The following EDA2R variants were observed in gnomAD, a reference collection of about 807,000 sequenced individuals.
The protein encoded by EDA2R is ectodysplasin A2 receptor, also known as tumor necrosis factor receptor superfamily member 27.
In EDA2R, 26 loss-of-function variants were observed where a neutral mutation model predicts 20.1. That is an observed-to-expected ratio of 1.30 (90% CI 0.95 to 1.80). The LOEUF is 1.80. Among genes scored for constraint, EDA2R ranks in the 40% most tolerant of loss-of-function variants. The pLI, the probability that EDA2R is intolerant of heterozygous loss-of-function variation, is 0.00. For synonymous variants in EDA2R, 114 were observed against 88.7 expected, an observed-to-expected ratio of 1.29 and a Z score of -1.60; for missense variants, 277 against 228.7, an observed-to-expected ratio of 1.21 and a Z score of -1.36.
chrX:66,631,480 C>G lies in EDA2R; in HGVS notation c.-11+7515G>C, dbSNP rs747222179. 5.4e-5 allele frequency among the ~76,000 whole-genome samples: 6 copies of G among 111,610 alleles called. No individual in the cohort carries two copies. The South Asian group carries it at 1.1e-3, about 21-fold the overall frequency. ...GGTCATTTAGAAGCTATGAGTCTGG[C>G]ACACTTTTCAAGGCAGTATTGAACT... On this transcript the variant is annotated intron_variant, in intron 1 of 6. Coordinates refer to ENST00000374719, the MANE Select transcript of EDA2R (RefSeq NM_021783.5).
At chrX:66,624,252 C>A (rs1323315410) in intron 1 of EDA2R, among the ~76,000 whole-genome samples, 1 of 111,957 alleles carries the variant, frequency 8.9e-6, no homozygotes, top group East Asian at 2.8e-4. Context: ...GGTGCAGTGG[C>A]TCCCGCCTGG....
At chrX:66,616,335 C>T (rs1277250626) in intron 1 of EDA2R, among the ~76,000 whole-genome samples, 2 of 112,467 alleles carry the variant, frequency 1.8e-5, no homozygotes, top group Non-Finnish European at 3.8e-5. Context: ...CTCAAATTCA[C>T]AGTCAGTGGC....
intron 1 of EDA2R, among the ~76,000 whole-genome samples, chrX:66,619,813 A>G (rs1932306321): frequency 8.9e-6 from 1 of 111,850 alleles, no homozygotes; most frequent in Non-Finnish European, 1.9e-5. Context: ...TGCTCTAAAA[A>G]TTCATGTGGG....
chrX:66,609,871 C>T (rs958257434), intron 2 of EDA2R, among the ~76,000 whole-genome samples: 2 of 111,393 alleles, frequency 1.8e-5, no homozygotes, highest in African/African-American at 6.5e-5. Flanking sequence ...TTGATACATT[C>T]CTCACACTAT....
chrX:66,631,322 G>A (rs1315256522), intron 1 of EDA2R, among the ~76,000 whole-genome samples: 2 of 110,823 alleles, frequency 1.8e-5, no homozygotes, highest in Admixed American at 9.6e-5. Context: ...ACATATCCAT[G>A]CAACCAAATA....
chrX:66,615,945 C>G lies in EDA2R; in HGVS notation c.76G>C (p.Glu26Gln), dbSNP rs750932016. The G allele has an allele frequency of 2.5e-6, 3 of 1,206,791 alleles. No individual in the cohort carries two copies. The highest frequency in any genetic ancestry group is 1.8e-5 in the South Asian group (1 of 56,513). ...ATAGGATAACTTACCTTGGATAGCTCCTGTCCAGGACCACACCGTTGGCAG... is the reference window on the plus strand; with the variant it reads ...ATAGGATAACTTACCTTGGATAGCTGCTGTCCAGGACCACACCGTTGGCAG... The part of the protein sequence containing the change: ...VTCQRCGPGQ[E>Q]LSKDCGYGEG... The change falls in exon 2 of 7, where the codon GAG becomes CAG. Residue 26 changes from glutamate to glutamine, a missense_variant. Glu to Gln is a conservative substitution (Grantham distance 29, BLOSUM62 2). Coordinates refer to ENST00000374719, the MANE Select transcript of EDA2R (RefSeq NM_021783.5).
intron 1 of EDA2R, among the ~76,000 whole-genome samples, chrX:66,636,716 G>C (rs1055970180): frequency 1.8e-5 from 2 of 110,319 alleles, no homozygotes; most frequent in Non-Finnish European, 3.8e-5. Flanking sequence ...AATTCTACTT[G>C]TCAGGCACTG....
intron 2 of EDA2R, among the ~76,000 whole-genome samples, chrX:66,611,427 T>C (rs1930714285): frequency 1.8e-5 from 2 of 111,964 alleles, no homozygotes; most frequent in African/African-American, 6.5e-5. Flanking sequence ...GCACCCATAA[T>C]AAAAATGTTT....
At chrX:66,602,562 G>T in intron 5 of EDA2R, 71 bp downstream of exon 5, 1 of 1,081,094 alleles carries the variant, frequency 9.2e-7, no homozygotes, top group Non-Finnish European at 1.2e-6. Flanking sequence ...CTCAACCCCA[G>T]AACATCCCTC....
intron 6 of EDA2R, among the ~76,000 whole-genome samples, chrX:66,598,742 G>A (rs1340958828): frequency 8.9e-6 from 1 of 112,277 alleles, no homozygotes; most frequent in Non-Finnish European, 1.9e-5. Context: ...GCAGGGAGCA[G>A]GGAAGTCATT....
At chrX:66,621,046 G>C (rs1431061500) in intron 1 of EDA2R, among the ~76,000 whole-genome samples, 2 of 109,858 alleles carry the variant, frequency 1.8e-5, no homozygotes, top group Non-Finnish European at 3.8e-5. Flanking sequence ...GGAGGCCGAG[G>C]CAGGTGGATC....
At chrX:66,628,724 A>G (rs780294581) in intron 1 of EDA2R, among the ~76,000 whole-genome samples, 2 of 109,582 alleles carry the variant, frequency 1.8e-5, no homozygotes, top group African/African-American at 6.6e-5. Flanking sequence ...AAAAAAATCC[A>G]GGATCAGATG....
chrX:66,630,031 ACC>A (rs1933566300), intron 1 of EDA2R, among the ~76,000 whole-genome samples: 1 of 111,315 alleles, frequency 9.0e-6, no homozygotes, highest in Non-Finnish European at 1.9e-5. Flanking sequence ...CCCAGAAATA[ACC>A]CCAAATACTT....
chrX:66,620,234 T>C (rs1932374424), intron 1 of EDA2R, among the ~76,000 whole-genome samples: 1 of 112,396 alleles, frequency 8.9e-6, no homozygotes, highest in South Asian at 3.7e-4. Context: ...CCACAATTTA[T>C]ATATTTTTCT....
At chrX:66,602,897 G>T in intron 4 of EDA2R, 100 bp from the exon 5 acceptor site, 1 of 790,176 alleles carries the variant, frequency 1.3e-6, no homozygotes, top group Non-Finnish European at 1.7e-6. Context: ...CTTCTCCCTA[G>T]GGCCTTCCCC....
intron 1 of EDA2R, among the ~76,000 whole-genome samples, chrX:66,632,724 G>A (rs956169744): frequency 9.0e-6 from 1 of 111,599 alleles, no homozygotes; most frequent in Non-Finnish European, 1.9e-5. Flanking sequence ...GACTGAGGAT[G>A]TGTCATTTTT....
At chrX:66,636,126 C>G (rs758575463) in intron 1 of EDA2R, among the ~76,000 whole-genome samples, 1 of 111,468 alleles carries the variant, frequency 9.0e-6, no homozygotes, top group African/African-American at 3.3e-5. Context: ...ATCTTGAACT[C>G]CTGGGCTCAA....
intron 1 of EDA2R, among the ~76,000 whole-genome samples, chrX:66,628,260 G>A (rs774839528): frequency 1.8e-5 from 2 of 110,763 alleles, no homozygotes; most frequent in South Asian, 7.6e-4. Flanking sequence ...TTCTAAGGTT[G>A]TGCCTCAAGG....
At chrX:66,628,523 C>T (rs1217912876) in intron 1 of EDA2R, among the ~76,000 whole-genome samples, 3 of 110,859 alleles carry the variant, frequency 2.7e-5, no homozygotes, top group Non-Finnish European at 3.8e-5. Flanking sequence ...ACTGACACCA[C>T]TGAAATACAA....
Sources: gnomAD v4.1 joint callset for allele counts (sites outside exome capture counted in the v4.1 genomes callset) on GRCh38, gnomAD v4.1.1 for gene constraint, MANE v1.5 for transcripts, NCBI Gene and HGNC (gene_info 2026-07-23, HGNC 2026-07-21) for gene names.